DRC5: variants seen among roughly 807,000 people sequenced by gnomAD.
DRC5 encodes dynein regulatory complex subunit 5, also known as T-complex-associated testis-expressed protein 1.
At chr6:44,284,664 C>T in the DRC5 span, among the ~76,000 whole-genome samples, 3 of 152,176 alleles carry the variant, frequency 2.0e-5, no homozygotes, top group Non-Finnish European at 2.9e-5. Flanking sequence ...TCTTGCACCT[C>T]ACCTCCTTCT....
chr6:44,292,796 T>G, the DRC5 span, among the ~76,000 whole-genome samples: 1 of 152,106 alleles, frequency 6.6e-6, no homozygotes, highest in Non-Finnish European at 1.5e-5. Context: ...CAAGGTCTGT[T>G]TGCGGTGGGA....
the DRC5 span, among the ~76,000 whole-genome samples, chr6:44,283,723 C>T: frequency 1.8e-4 from 27 of 152,324 alleles, no homozygotes; most frequent in Non-Finnish European, 2.9e-4. Context: ...TTGCTATCAC[C>T]GGAAACACCA....
At chr6:44,290,331 G>T in the DRC5 span, among the ~76,000 whole-genome samples, 1 of 152,306 alleles carries the variant, frequency 6.6e-6, no homozygotes, top group East Asian at 1.9e-4. Flanking sequence ...TACATGGGCT[G>T]TAGTGGAGAT....
chr6:44,282,799 CTTTTTTT>C, the DRC5 span, among the ~76,000 whole-genome samples: 1 of 105,236 alleles, frequency 9.5e-6, no homozygotes, highest in East Asian at 2.8e-4. Flanking sequence ...CCTTTTTTAT[CTTTTTTT>C]TTTTTTTTTT....
At chr6:44,282,764 A>T in the DRC5 span, among the ~76,000 whole-genome samples, 1 of 149,584 alleles carries the variant, frequency 6.7e-6, no homozygotes, top group African/African-American at 2.5e-5. Flanking sequence ...CAATTACTAC[A>T]TGCTGGGTAT....
the DRC5 span, among the ~76,000 whole-genome samples, chr6:44,290,051 G>C: frequency 5.3e-5 from 8 of 152,180 alleles, no homozygotes; most frequent in African/African-American, 1.9e-4. Flanking sequence ...GAGATAGTGC[G>C]GGAAAGATAT....
the DRC5 span, among the ~76,000 whole-genome samples, chr6:44,292,341 G>A: frequency 6.6e-6 from 1 of 152,288 alleles, no homozygotes; most frequent in Non-Finnish European, 1.5e-5. Context: ...CTGAGCTCAA[G>A]CACCACTTCC....
chr6:44,284,363 A>G, the DRC5 span, among the ~76,000 whole-genome samples: 1 of 151,494 alleles, frequency 6.6e-6, no homozygotes, highest in African/African-American at 2.4e-5. Context: ...TTCTTCTTCC[A>G]CTGAGACCAC....
chr6:44,287,592 G>C, the DRC5 span: 2 of 1,614,022 alleles, frequency 1.2e-6, no homozygotes, highest in Non-Finnish European at 1.7e-6. Context: ...GCTCTGTGAG[G>C]AGGGGCACGA....
chr6:44,287,440 A>G, the DRC5 span: 1 of 1,181,750 alleles, frequency 8.5e-7, no homozygotes, highest in South Asian at 1.5e-5. Flanking sequence ...ACGGGAGAGC[A>G]GGGGCTGCCC....
the DRC5 span, among the ~76,000 whole-genome samples, chr6:44,283,003 C>T: frequency 6.6e-5 from 10 of 152,000 alleles, no homozygotes; most frequent in African/African-American, 1.9e-4. Flanking sequence ...AGGGTTTTAC[C>T]GTGTTAGCCA....
the DRC5 span, among the ~76,000 whole-genome samples, chr6:44,282,800 T>G: frequency 3.3e-5 from 1 of 29,992 alleles, no homozygotes; most frequent in East Asian, 7.3e-4. Context: ...CTTTTTTATC[T>G]TTTTTTTTTT....
At chr6:44,287,979 A>G in the DRC5 span, 1 of 915,598 alleles carries the variant, frequency 1.1e-6, no homozygotes, top group Non-Finnish European at 1.6e-6. Context: ...GCATTTACTA[A>G]GAGAGGTGGT....
At chr6:44,286,378 C>T in the DRC5 span, 15 of 1,613,990 alleles carry the variant, frequency 9.3e-6, no homozygotes, top group South Asian at 1.6e-4. Flanking sequence ...CATGGTGGGC[C>T]ACGTGGCACA....
the DRC5 span, chr6:44,286,420 G>A: frequency 6.2e-7 from 1 of 1,614,234 alleles, no homozygotes; most frequent in South Asian, 1.1e-5. Context: ...AGCGGAGCCA[G>A]TAGTTCTCAC....
the DRC5 span, among the ~76,000 whole-genome samples, chr6:44,296,932 C>CTTGGA: frequency 7.0e-6 from 1 of 143,292 alleles, no homozygotes; most frequent in African/African-American, 2.5e-5. Flanking sequence ...TCCAACTGAG[C>CTTGGA]CTCGGCCCGT....
the DRC5 span, chr6:44,282,069 A>G: frequency 1.3e-6 from 2 of 1,580,252 alleles, no homozygotes; most frequent in Admixed American, 3.5e-5. Context: ...TGGCAGTTGG[A>G]TTCCACACCC....
chr6:44,282,607 A>G, the DRC5 span: 1 of 1,511,950 alleles, frequency 6.6e-7, no homozygotes. Flanking sequence ...AGGGATAATC[A>G]GCCTGCCCAC....
the DRC5 span, among the ~76,000 whole-genome samples, chr6:44,283,253 A>C: frequency 6.6e-6 from 1 of 152,158 alleles, no homozygotes; most frequent in Non-Finnish European, 1.5e-5. Context: ...TTGGAATCCA[A>C]GCCTGCCTGA....
Sources: gnomAD v4.1 joint callset for allele counts (sites outside exome capture counted in the v4.1 genomes callset) on GRCh38, gnomAD v4.1.1 for gene constraint, MANE v1.5 for transcripts, NCBI Gene and HGNC (gene_info 2026-07-23, HGNC 2026-07-21) for gene names.